The following SORCS1 variants were observed in gnomAD, a reference collection of about 807,000 sequenced individuals.
SORCS1 encodes the protein VPS10 domain-containing receptor SorCS1.
A neutral mutation model predicts 146.1 loss-of-function variants in SORCS1; 60 were observed. The observed-to-expected ratio is 0.41, with a 90% CI of 0.33 to 0.51. SORCS1 has a LOEUF of 0.51. Ranked by LOEUF, SORCS1 falls within the 20% of genes least tolerant of loss-of-function variation. SORCS1 has a pLI of 0.21. For missense variants in SORCS1, 1,352 were observed against 1,487.6 expected (o/e 0.91, Z 1.50); for synonymous variants, 637 against 584.0 (o/e 1.09, Z -1.31).
At chr10:106,799,111 C>G (rs1213415529) in intron 3 of SORCS1, among the ~76,000 whole-genome samples, 3 of 152,112 alleles carry the variant, frequency 2.0e-5, no homozygotes, top group Non-Finnish European at 4.4e-5. Context: ...ACAAACCTGA[C>G]AAAAACAAGA....
chr10:106,755,415 T>C (rs1858560814), intron 5 of SORCS1, among the ~76,000 whole-genome samples: 1 of 152,154 alleles, frequency 6.6e-6, no homozygotes. Context: ...CATATAATCT[T>C]GTTAAGAGGA....
chr10:106,877,509 G>T (rs896631519), intron 2 of SORCS1, among the ~76,000 whole-genome samples: 2 of 152,114 alleles, frequency 1.3e-5, no homozygotes, highest in Non-Finnish European at 2.9e-5. Context: ...CTCCAATCAG[G>T]GTGACAGACC....
intron 1 of SORCS1, among the ~76,000 whole-genome samples, chr10:107,117,482 C>G (rs139652088): frequency 2.0e-5 from 3 of 152,176 alleles, no homozygotes; most frequent in Non-Finnish European, 4.4e-5. Flanking sequence ...CCCCCCAGAA[C>G]TGTGAGGTCA....
chr10:106,893,191 C>A (rs1392013261), intron 2 of SORCS1, among the ~76,000 whole-genome samples: 1 of 152,138 alleles, frequency 6.6e-6, no homozygotes, highest in Non-Finnish European at 1.5e-5. Context: ...GCGTGAGCCA[C>A]CGTGGCCAGC....
At chr10:106,805,976 C>T (rs1156719234) in intron 3 of SORCS1, among the ~76,000 whole-genome samples, 8 of 148,678 alleles carry the variant, frequency 5.4e-5, no homozygotes, top group African/African-American at 1.7e-4. Flanking sequence ...ACGAGAATGG[C>T]GTGAACCCGG....
At chr10:106,849,124 C>T (rs1281053134) in intron 2 of SORCS1, among the ~76,000 whole-genome samples, 7 of 145,508 alleles carry the variant, frequency 4.8e-5, no homozygotes, top group Non-Finnish European at 9.2e-5. Context: ...TGAATCTGAA[C>T]GTTGGCCTGC....
chr10:107,038,066 G>A (rs1958980794), intron 1 of SORCS1, among the ~76,000 whole-genome samples: 1 of 152,026 alleles, frequency 6.6e-6, no homozygotes, highest in Non-Finnish European at 1.5e-5. Context: ...CAGGTGATCT[G>A]CCCGCCTCAG....
intron 5 of SORCS1, among the ~76,000 whole-genome samples, chr10:106,746,883 A>G (rs1355075477): frequency 6.6e-6 from 1 of 152,126 alleles, no homozygotes; most frequent in Non-Finnish European, 1.5e-5. Context: ...CTACTCAATT[A>G]CTCAGGAAGG....
chr10:106,611,895 A>G lies in SORCS1; in HGVS notation c.3033+16T>C. On this transcript the variant is annotated intron_variant, in intron 22 of 25. Coordinates refer to ENST00000263054, the MANE Select transcript of SORCS1 (RefSeq NM_052918.5). The stretch of plus-strand genomic sequence containing the variant: ...GAAAAGGTACCCGGGCAAGAGAAGA[A>G]ACTGTGTGCACTCACTTCCACCAGG... 6.3e-7 allele frequency: 1 copy of G among 1,579,786 alleles called. No individual in the cohort carries two copies. The highest frequency in any genetic ancestry group is 8.7e-7 in the Non-Finnish European group (1 of 1,148,974).
chr10:106,839,309 A>G (rs1355754603), intron 2 of SORCS1, among the ~76,000 whole-genome samples: 2 of 152,222 alleles, frequency 1.3e-5, no homozygotes, highest in Non-Finnish European at 2.9e-5. Flanking sequence ...AGAATAAGAA[A>G]GTCAAACAGG....
intron 4 of SORCS1, among the ~76,000 whole-genome samples, chr10:106,769,042 G>T (rs1416400541): frequency 1.3e-5 from 2 of 152,200 alleles, no homozygotes; most frequent in African/African-American, 4.8e-5. Context: ...TCTACTGTCG[G>T]TCAGTGGTGA....
At chr10:106,968,406 TTTCTA>T (rs1162951247) in intron 1 of SORCS1, among the ~76,000 whole-genome samples, 1 of 152,160 alleles carries the variant, frequency 6.6e-6, no homozygotes, top group African/African-American at 2.4e-5. Context: ...ATTAATATTC[TTTCTA>T]TGTGAGAACC....
At chr10:106,923,594 G>C (rs961475677) in intron 2 of SORCS1, among the ~76,000 whole-genome samples, 3 of 152,236 alleles carry the variant, frequency 2.0e-5, no homozygotes, top group Non-Finnish European at 4.4e-5. Flanking sequence ...ATGAGAATGA[G>C]AGTTGCTGTT....
chr10:107,123,041 A>G (rs918044065), intron 1 of SORCS1, among the ~76,000 whole-genome samples: 1 of 151,586 alleles, frequency 6.6e-6, no homozygotes, highest in African/African-American at 2.4e-5. Flanking sequence ...TCACTTTGTT[A>G]AAACATCTAA....
intron 6 of SORCS1, among the ~76,000 whole-genome samples, chr10:106,711,755 C>T (rs1855006944): frequency 1.3e-5 from 2 of 152,188 alleles, no homozygotes; most frequent in South Asian, 2.1e-4. Flanking sequence ...TGTAATTTCA[C>T]GTTAGAGCAG....
At chr10:106,853,302 A>C (rs1949660972) in intron 2 of SORCS1, among the ~76,000 whole-genome samples, 1 of 151,754 alleles carries the variant, frequency 6.6e-6, no homozygotes, top group South Asian at 2.1e-4. Context: ...TATCCATAGG[A>C]TCTGTAGTGC....
intron 1 of SORCS1, among the ~76,000 whole-genome samples, chr10:106,992,994 G>C (rs1366574372): frequency 6.6e-6 from 1 of 151,936 alleles, no homozygotes; most frequent in African/African-American, 2.4e-5. Context: ...ACCACGTCCA[G>C]CTAATTTTTG....
chr10:106,850,761 C>T (rs1380368227), intron 2 of SORCS1, among the ~76,000 whole-genome samples: 1 of 152,188 alleles, frequency 6.6e-6, no homozygotes, highest in Admixed American at 6.5e-5. Context: ...ATTTTTGACA[C>T]CTTCATTTGG....
At chr10:107,090,075 G>A (rs994723147) in intron 1 of SORCS1, among the ~76,000 whole-genome samples, 6 of 152,146 alleles carry the variant, frequency 3.9e-5, no homozygotes, top group African/African-American at 9.7e-5. Context: ...ATGAAAGAAG[G>A]TGGAGAGCCT....
Sources: gnomAD v4.1 joint callset for allele counts (sites outside exome capture counted in the v4.1 genomes callset) on GRCh38, gnomAD v4.1.1 for gene constraint, MANE v1.5 for transcripts, NCBI Gene and HGNC (gene_info 2026-07-23, HGNC 2026-07-21) for gene names.